The following ASIC2 variants were observed in gnomAD, a reference collection of about 807,000 sequenced individuals.
The protein encoded by ASIC2 is acid-sensing ion channel 2.
In ASIC2, 25 loss-of-function variants were observed where a neutral mutation model predicts 57.3. The ratio of observed to expected loss-of-function variants is 0.44; its 90% CI spans 0.32 to 0.61. The LOEUF is 0.61. Ranked by LOEUF, ASIC2 falls within the 20% of genes least tolerant of loss-of-function variation. The pLI, the probability that ASIC2 is intolerant of heterozygous loss-of-function variation, is 0.06. For missense variants in ASIC2, 641 were observed against 738.1 expected, an observed-to-expected ratio of 0.87 and a Z score of 1.52; for synonymous variants, 319 against 307.5, an observed-to-expected ratio of 1.04 and a Z score of -0.39.
At chr17:33,504,962 G>T (rs1914206763) in intron 1 of ASIC2, among the ~76,000 whole-genome samples, 1 of 152,196 alleles carries the variant, frequency 6.6e-6, no homozygotes, top group Non-Finnish European at 1.5e-5. Flanking sequence ...GCAGAACTGA[G>T]ATGGGTGGCT....
intron 1 of ASIC2, among the ~76,000 whole-genome samples, chr17:33,418,550 G>T (rs1300804409): frequency 6.6e-6 from 1 of 152,120 alleles, no homozygotes; most frequent in African/African-American, 2.4e-5. Context: ...TTTGTATAAG[G>T]TGTAAGGAAG....
At chr17:33,149,857 T>C (rs1904716769) in intron 1 of ASIC2, among the ~76,000 whole-genome samples, 1 of 152,246 alleles carries the variant, frequency 6.6e-6, no homozygotes, top group Admixed American at 6.5e-5. Context: ...ATTTTTGTCT[T>C]TCCCACCTTC....
rs1376702413 is a variant in ASIC2, at chr17:33,293,091, G to C, written c.-976C>G. The C allele has an allele frequency of 2.1e-6, 2 of 958,278 alleles. No individual in the cohort carries two copies. The highest frequency in any genetic ancestry group is 2.5e-6 in the Non-Finnish European group (2 of 805,256). The allele number at this position is 958,278 out of a possible 1,614,324, so 59.4% of individuals were successfully genotyped here. On this transcript the variant is annotated 5_prime_UTR_variant, in exon 1 of 10. Transcript: ENST00000225823. ...CTGCGGGGACCCGCCAACACCTCCCGGGGGTGACCCGGACTCGCTGCTCCG... is the reference window on the plus strand; with the variant it reads ...CTGCGGGGACCCGCCAACACCTCCCCGGGGTGACCCGGACTCGCTGCTCCG...
intron 1 of ASIC2, among the ~76,000 whole-genome samples, chr17:34,008,766 C>T (rs931621258): frequency 2.6e-5 from 4 of 152,230 alleles, no homozygotes; most frequent in African/African-American, 9.6e-5. Flanking sequence ...TTCTCCAGCA[C>T]CCTGGTTCTT....
chr17:33,338,862 T>C (rs1490017614), intron 1 of ASIC2, among the ~76,000 whole-genome samples: 2 of 152,192 alleles, frequency 1.3e-5, no homozygotes, highest in Non-Finnish European at 2.9e-5. Context: ...ATTCCACTTA[T>C]ATGTAGCATC....
chr17:34,108,868 A>C (rs962666987), intron 1 of ASIC2, among the ~76,000 whole-genome samples: 3 of 152,068 alleles, frequency 2.0e-5, no homozygotes, highest in African/African-American at 7.2e-5. Context: ...TATATGTTAA[A>C]ATATGCTATT....
chr17:33,067,727 C>T, intron 3 of ASIC2, among the ~76,000 whole-genome samples: 2 of 152,240 alleles, frequency 1.3e-5, no homozygotes, highest in Admixed American at 1.3e-4. Flanking sequence ...ACTGAACTCT[C>T]ATCAGGGTAG....
At position 33,242,302 on chromosome 17, in the gene ASIC2, C is replaced by T. The variant is rs569800655; in HGVS notation, c.708+49106G>A. On this transcript the variant is annotated intron_variant, in intron 1 of 9. Transcript: ENST00000225823. ...ACTGCACTTCAGCCTGGGGACAGAG[C>T]GAGACTCCGTCAAAAAAAAAAAAAA... Among the ~76,000 whole-genome samples the T allele has an allele frequency of 9.7e-5, 14 of 143,686 alleles. No individual in the cohort carries two copies. In the East Asian group the frequency reaches 1.2e-3, roughly 13 times the overall value. The allele number at this position is 143,686 out of a possible 152,430, so 94.3% of individuals were successfully genotyped here.
intron 3 of ASIC2, among the ~76,000 whole-genome samples, chr17:33,075,982 A>G (rs2092087694): frequency 6.6e-6 from 1 of 152,150 alleles, no homozygotes. Context: ...AATGCAACTA[A>G]TCAATCCAAT....
intron 1 of ASIC2, among the ~76,000 whole-genome samples, chr17:34,097,814 A>T (rs1416138244): frequency 1.3e-5 from 2 of 152,076 alleles, no homozygotes; most frequent in African/African-American, 4.8e-5. Flanking sequence ...ACCCTCCCCC[A>T]AACTGCATGA....
intron 9 of ASIC2, among the ~76,000 whole-genome samples, chr17:33,014,851 A>G (rs1174603206): frequency 6.6e-6 from 1 of 152,176 alleles, no homozygotes; most frequent in East Asian, 1.9e-4. Context: ...ACTATAAACT[A>G]GGTGCTGTGC....
Position 33,017,642 on chromosome 17 carries a change from A to G in ASIC2, c.1484T>C (p.Ile495Thr), listed in dbSNP as rs774274520. 2.5e-6 allele frequency: 4 copies of G among 1,613,900 alleles called. No homozygotes were observed. The highest frequency in any genetic ancestry group is 3.4e-6 in the Non-Finnish European group (4 of 1,179,766). Residue 495 changes from isoleucine (I) to threonine (T), a missense_variant, in exon 8 of 10, where the codon ATC becomes ACC. Ile to Thr is a moderately conservative substitution (Grantham distance 89, BLOSUM62 -1). Transcript: ENST00000225823. ...GQMGLFIGASILTILELFDYI... is the reference protein window; with the variant it reads ...GQMGLFIGASTLTILELFDYI... ...ATCAAAGAGCTCTAGTATTGTAAGG[A>G]TACTAGCACCAATGAACAATCCCAT...
rs373555066 is a variant in ASIC2 at position 33,013,619 on chromosome 17, G to A, written c.*346C>T. ...GGCAGCAGTGTGGACACTGGAAACC[G>A]CGTGGAGGAGTGTCATGTACAAGAC... On this transcript the variant is annotated 3_prime_UTR_variant, in exon 10 of 10. Transcript: ENST00000225823. 32 of 282,600 alleles carry A rather than the reference G, an allele frequency of 1.1e-4. No individual in the cohort carries two copies. Among genetic ancestry groups the A allele is most frequent in the African/African-American group, 2.1e-4 (10 of 47,126 alleles). The allele number at this position is 282,600 out of a possible 1,614,324, so 17.5% of individuals were successfully genotyped here.
chr17:33,312,289 G>A (rs753965379), intron 1 of ASIC2, among the ~76,000 whole-genome samples: 12 of 152,202 alleles, frequency 7.9e-5, no homozygotes, highest in Non-Finnish European at 1.5e-4. Flanking sequence ...ATTCTAAACT[G>A]TTATTGGGAC....
At chr17:33,781,853 C>G (rs937386364) in intron 1 of ASIC2, among the ~76,000 whole-genome samples, 2 of 152,144 alleles carry the variant, frequency 1.3e-5, no homozygotes, top group African/African-American at 4.8e-5. Context: ...CCTATAACAC[C>G]CTGTTCGTCA....
intron 1 of ASIC2, among the ~76,000 whole-genome samples, chr17:33,550,662 C>T (rs1915725501): frequency 6.6e-6 from 1 of 152,168 alleles, no homozygotes; most frequent in Admixed American, 6.5e-5. Context: ...AATTGCATCC[C>T]TTGTAATCTA....
At position 34,156,628 on chromosome 17, in the gene ASIC2, G is replaced by A; in HGVS notation, c.-96C>T. On this transcript the variant is annotated 5_prime_UTR_variant, in exon 1 of 10. Transcript: ENST00000359872. This position sits in a 1 kb window ranked among gnomAD's most constrained non-coding sequence, Gnocchi z 4.4. ...GCTCTGCTTAAACCTTGACGTTCAG[G>A]GGAGAGAACGCAAGGCAAGCATCGC... The A allele has an allele frequency of 1.5e-6, 2 of 1,311,222 alleles. No homozygotes were observed. The highest frequency in any genetic ancestry group is 2.1e-6 in the Non-Finnish European group (2 of 969,510). 81.2% of individuals were successfully genotyped at this position (1,311,222 alleles called of 1,614,324 possible).
intron 1 of ASIC2, among the ~76,000 whole-genome samples, chr17:33,579,530 G>A (rs532294223): frequency 5.3e-5 from 8 of 152,116 alleles, no homozygotes; most frequent in South Asian, 2.1e-4. Context: ...GTGGGTTCTC[G>A]GTCTCCCTGC....
At chr17:33,117,694 T>A (rs898974382) in intron 1 of ASIC2, among the ~76,000 whole-genome samples, 5 of 152,226 alleles carry the variant, frequency 3.3e-5, no homozygotes, top group African/African-American at 1.2e-4. Flanking sequence ...TCATTCTCAA[T>A]TCCAGTGTTC....
Sources: gnomAD v4.1 joint callset for allele counts (sites outside exome capture counted in the v4.1 genomes callset) on GRCh38, gnomAD v4.1.1 for gene constraint, Gnocchi (gnomAD v3.1) non-coding constraint, MANE v1.5 for transcripts, NCBI Gene and HGNC (gene_info 2026-07-23, HGNC 2026-07-21) for gene names.